The following NFAT5 variants were observed in gnomAD, a reference collection of about 807,000 sequenced individuals.
The protein encoded by NFAT5 is nuclear factor of activated T cells 5.
NFAT5 carries 31 observed loss-of-function variants against 166.5 expected under a neutral mutation model. The observed-to-expected ratio is 0.19, with a 90% CI of 0.14 to 0.25. NFAT5 has a LOEUF of 0.25. Ranked by LOEUF, NFAT5 falls within the 10% of genes least tolerant of loss-of-function variation. The pLI is 1.00. For missense variants in NFAT5, 1,449 were observed against 1,821.8 expected, an observed-to-expected ratio of 0.80 and a Z score of 3.72; for synonymous variants, 612 against 639.7, an observed-to-expected ratio of 0.96 and a Z score of 0.65.
At chr16:69,660,446 T>A (rs897825433) in intron 7 of NFAT5, among the ~76,000 whole-genome samples, 1 of 152,076 alleles carries the variant, frequency 6.6e-6, no homozygotes, top group African/African-American at 2.4e-5. Context: ...AGAAAGTAAT[T>A]TGAGCTGGTT....
At chr16:69,662,993 C>T (rs1191353177) in intron 7 of NFAT5, among the ~76,000 whole-genome samples, 2 of 151,936 alleles carry the variant, frequency 1.3e-5, no homozygotes, top group African/African-American at 2.4e-5. Flanking sequence ...TATTTCTTTC[C>T]GTGAATATAA....
intron 2 of NFAT5, among the ~76,000 whole-genome samples, chr16:69,612,006 G>C (rs2033724491): frequency 6.6e-6 from 1 of 152,156 alleles, no homozygotes; most frequent in South Asian, 2.1e-4. Flanking sequence ...AATATTTACT[G>C]AGCTGTCGTT....
intron 4 of NFAT5, chr16:69,649,660 C>G (rs2035587095): frequency 1.7e-6 from 1 of 580,450 alleles, no homozygotes; most frequent in East Asian, 1.4e-4. Context: ...AAGGATGAAA[C>G]CATACCTAAA....
intron 10 of NFAT5, among the ~76,000 whole-genome samples, chr16:69,684,183 T>A (rs1420902007): frequency 1.4e-5 from 2 of 140,886 alleles, no homozygotes; most frequent in Non-Finnish European, 3.1e-5. Context: ...CACTTGAACC[T>A]GGGAGGTGGA....
chr16:69,601,792 C>G (rs1019976169), intron 2 of NFAT5, among the ~76,000 whole-genome samples: 1 of 152,090 alleles, frequency 6.6e-6, no homozygotes, highest in Non-Finnish European at 1.5e-5. Context: ...AATGATTTCC[C>G]CCTGTACTGG....
intron 3 of NFAT5, chr16:69,644,781 C>T: frequency 2.3e-6 from 1 of 442,062 alleles, no homozygotes. Context: ...CTGTACTTTC[C>T]ATCTGTCATG....
At chr16:69,577,211 C>T (rs2016810280) in intron 2 of NFAT5, among the ~76,000 whole-genome samples, 1 of 152,072 alleles carries the variant, frequency 6.6e-6, no homozygotes, top group Admixed American at 6.6e-5. Flanking sequence ...TTCCCTTCTT[C>T]TGAAAACAAA....
rs754416047 is a variant in NFAT5 at position 69,692,936 on chromosome 16, T to A, written c.3111T>A (p.Pro1037=). ...TGCAACATAGTGGGGACAATCAACC[T>A]CAAGTTAACCTTTTTTCATCCACAA... ...VQMQHSGDNQ[P]QVNLFSSTKS... The change falls in exon 13 of 15, where the codon CCT becomes CCA. Residue 1037 remains proline (P), a synonymous_variant. Transcript: ENST00000349945. 41 of 1,614,048 alleles carry A rather than the reference T, an allele frequency of 2.5e-5. No homozygotes were observed. The highest frequency in any genetic ancestry group is 2.4e-5 in the Non-Finnish European group (28 of 1,180,040).
chr16:69,586,790 C>T (rs1009714925), intron 2 of NFAT5, among the ~76,000 whole-genome samples: 10 of 152,084 alleles, frequency 6.6e-5, no homozygotes, highest in Admixed American at 2.0e-4. Flanking sequence ...TTAATAGTAG[C>T]AATAGGATTG....
At chr16:69,686,382 G>T (rs1340464368) in intron 11 of NFAT5, among the ~76,000 whole-genome samples, 1 of 151,918 alleles carries the variant, frequency 6.6e-6, no homozygotes, top group Non-Finnish European at 1.5e-5. Context: ...CATTAACCGG[G>T]CATGGTGGCA....
intron 7 of NFAT5, among the ~76,000 whole-genome samples, chr16:69,661,228 T>A (rs2151648985): frequency 6.6e-6 from 1 of 151,526 alleles, no homozygotes; most frequent in Middle Eastern, 3.4e-3. Flanking sequence ...ATCCCAGCTC[T>A]TCTTACTAAC....
chr16:69,680,124 A>G (rs2036996374), intron 10 of NFAT5, among the ~76,000 whole-genome samples: 1 of 152,194 alleles, frequency 6.6e-6, no homozygotes, highest in African/African-American at 2.4e-5. Flanking sequence ...TCTCAAAAGA[A>G]AAAGGAAAGA....
intron 10 of NFAT5, among the ~76,000 whole-genome samples, chr16:69,684,332 G>A (rs554753498): frequency 1.5e-4 from 23 of 151,134 alleles, no homozygotes; most frequent in Non-Finnish European, 2.5e-4. Flanking sequence ...AGGCCGAGGC[G>A]GGTGAATCAC....
At chr16:69,585,485 TAATTGAAAGCAGGGACTC>T (rs2031997306) in intron 2 of NFAT5, among the ~76,000 whole-genome samples, 1 of 152,052 alleles carries the variant, frequency 6.6e-6, no homozygotes, top group Non-Finnish European at 1.5e-5. Flanking sequence ...ATACCCCCAA[TAATTGAAAGCAGGGACTC>T]AAACAGATAC....
At position 69,684,962 on chromosome 16, in the gene NFAT5, C is replaced by T; in HGVS notation, c.1766C>T (p.Ala589Val). ...SPARPCSFEE[A>V]MKAMKTTGCN... is the part of the protein sequence containing the mutation. ...GCAAGACCTTGCTCTTTTGAAGAGG[C>T]CATGAAAGGTACCAAGTAAATTCTT... Residue 589 changes from alanine to valine, a missense_variant, in exon 11 of 15, where the codon GCC becomes GTC. Physicochemically the swap from Ala to Val is moderately conservative, Grantham distance 64. Transcript: ENST00000349945. 1 of 1,606,682 alleles carries T rather than the reference C, an allele frequency of 6.2e-7. No individual in the cohort carries two copies. The highest frequency in any genetic ancestry group is 8.5e-7 in the Non-Finnish European group (1 of 1,175,974).
chr16:69,688,214 A>AAAAC (rs2037400695), intron 11 of NFAT5, among the ~76,000 whole-genome samples: 1 of 112,192 alleles, frequency 8.9e-6, no homozygotes, highest in African/African-American at 3.4e-5. Context: ...AAAAAAAAAA[A>AAAAC]AAAAAAAAAA....
At position 69,693,932 on chromosome 16, in the gene NFAT5, G is replaced by A. The variant is rs1284477948; in HGVS notation, c.4107G>A (p.Leu1369=). 6.2e-7 allele frequency: 1 copy of A among 1,614,174 alleles called. No individual in the cohort carries two copies. The highest frequency in any genetic ancestry group is 8.5e-7 in the Non-Finnish European group (1 of 1,180,042). The stretch of plus-strand genomic sequence containing the variant: ...AGTCGGAATCATCACAGACCCCCTT[G>A]TTCCATAGCTCTCCTCAGATTCAGT... ...PTQSESSQTP[L]FHSSPQIQLV... Residue 1369 remains leucine, a synonymous_variant, in exon 13 of 15, where the codon TTG becomes TTA. Coordinates refer to ENST00000349945, the MANE Select transcript of NFAT5 (RefSeq NM_138713.4).
chr16:69,677,667 A>G (rs1348459444), intron 10 of NFAT5, among the ~76,000 whole-genome samples: 4 of 152,172 alleles, frequency 2.6e-5, no homozygotes, highest in African/African-American at 4.8e-5. Context: ...GAAAGTGACA[A>G]CTTTGGGAAA....
At chr16:69,674,388 T>C (rs1218977802) in intron 9 of NFAT5, among the ~76,000 whole-genome samples, 1 of 152,110 alleles carries the variant, frequency 6.6e-6, no homozygotes, top group East Asian at 1.9e-4. Flanking sequence ...GATGGGTACA[T>C]GATCATTCAT....
Sources: gnomAD v4.1 joint callset for allele counts (sites outside exome capture counted in the v4.1 genomes callset) on GRCh38, gnomAD v4.1.1 for gene constraint, MANE v1.5 for transcripts, NCBI Gene and HGNC (gene_info 2026-07-23, HGNC 2026-07-21) for gene names.